Variants in CASC3 observed in about 807,000 individuals in gnomAD.
The protein encoded by CASC3 is CASC3 exon junction complex subunit.
A neutral mutation model predicts 80.5 loss-of-function variants in CASC3; 30 were observed. The observed-to-expected ratio is 0.37, with a 90% confidence interval of 0.28 to 0.51. The LOEUF is 0.51. CASC3 is among the 20% of genes least tolerant of loss of function. The probability of loss-of-function intolerance (pLI) is 0.94; values close to 1 mark genes in which losing one functional copy is unlikely to be tolerated. For missense variants in CASC3, 824 were observed against 922.2 expected (o/e 0.89, Z 1.38); for synonymous variants, 312 against 333.6 (o/e 0.94, Z 0.70).
rs773152440 is a variant in CASC3, at chr17:40,169,366, G to A, written c.2008G>A (p.Ala670Thr). The change falls in exon 12 of 14, where the codon GCC becomes ACC. Residue 670 changes from alanine to threonine, a missense_variant. Transcript: ENST00000264645. ...TGGAGGAGTGACCTACTATAACCCCGCCCAGCAGCAGGTGCAGCCAAAGCC... is the reference window on the plus strand; with the variant it reads ...TGGAGGAGTGACCTACTATAACCCCACCCAGCAGCAGGTGCAGCCAAAGCC... ...VYGGVTYYNPAQQQVQPKPSP... is the reference protein window; with the variant it reads ...VYGGVTYYNPTQQQVQPKPSP... The A allele has an allele frequency of 6.0e-5, 97 of 1,612,402 alleles. No homozygotes were observed. Among genetic ancestry groups the A allele is most frequent in the Non-Finnish European group, 7.7e-5 (91 of 1,179,522 alleles).
intron 7 of CASC3, among the ~76,000 whole-genome samples, chr17:40,165,651 C>A (rs903315358): frequency 1.3e-5 from 2 of 152,152 alleles, no homozygotes; most frequent in African/African-American, 4.8e-5. Flanking sequence ...AGGCAAGCCT[C>A]CCTTATTTCC....
intron 2 of CASC3, 34 bp downstream of exon 2, chr17:40,141,268 G>GTT: frequency 1.3e-6 from 2 of 1,594,922 alleles, no homozygotes; most frequent in African/African-American, 1.3e-5. Context: ...TAGGACAAGA[G>GTT]TTTTTTTTAA....
intron 7 of CASC3, among the ~76,000 whole-genome samples, chr17:40,164,592 G>A (rs887150009): frequency 5.4e-5 from 8 of 148,528 alleles, no homozygotes; most frequent in Non-Finnish European, 1.2e-4. Flanking sequence ...GAGTATAGGC[G>A]TGCACTACCA....
chr17:40,171,034 C>G lies in CASC3; in HGVS notation c.*629C>G. 1 of 985,454 alleles carries G rather than the reference C, an allele frequency of 1.0e-6. No individual in the cohort carries two copies. Among genetic ancestry groups the G allele is most frequent in the African/African-American group, 1.7e-5 (1 of 57,316 alleles). The allele number at this position is 985,454 out of a possible 1,614,324, so 61.0% of individuals were successfully genotyped here. A position where few individuals can be genotyped will look rare whatever the true frequency, so the allele number is the denominator to read the frequency against. ...TCACTTTTAGTTGGCATTTGTTATC[C>G]TCTTGTATACTTGTATTCCCTTAAC... On this transcript the variant is annotated 3_prime_UTR_variant, in exon 14 of 14. Coordinates refer to ENST00000264645, the MANE Select transcript of CASC3 (RefSeq NM_007359.5).
chr17:40,167,296 C>T lies in CASC3; in HGVS notation c.1537-202C>T, dbSNP rs544250448. ...GTTTTTCCATTGATTATGCATGTTT[C>T]TTTTAATTTGGATCTCCTAAATGTA... is the stretch of plus-strand genomic sequence containing the variant. On this transcript the variant is annotated intron_variant, in intron 8 of 13. Transcript: ENST00000264645. 5.5e-4 allele frequency: 322 copies of T among 585,134 alleles called. 4 individuals are homozygous for T. The East Asian group carries it at 8.8e-3, about 16-fold the overall frequency. 36.2% of individuals were successfully genotyped at this position (585,134 alleles called of 1,614,324 possible).
Position 40,172,132 on chromosome 17 carries a change from A to G in CASC3, c.*1727A>G, listed in dbSNP as rs1989608602. On this transcript the variant is annotated 3_prime_UTR_variant, in exon 14 of 14. Coordinates refer to ENST00000264645, the MANE Select transcript of CASC3 (RefSeq NM_007359.5). ...TAAAGGGTGCCCATTTGTGATCAGC[A>G]TTGTGACTTGGAGATAATAAAATTT... 2 of 1,289,946 alleles carry G rather than the reference A, an allele frequency of 1.6e-6. No individual in the cohort carries two copies. The highest frequency in any genetic ancestry group is 2.0e-6 in the Non-Finnish European group (2 of 988,860). 79.9% of individuals were successfully genotyped at this position (1,289,946 alleles called of 1,614,324 possible).
In CASC3 at chr17:40,171,035, T is replaced by A; in HGVS notation, c.*630T>A. 1 of 985,558 alleles carries A rather than the reference T, an allele frequency of 1.0e-6. No individual in the cohort carries two copies. 61.1% of individuals were successfully genotyped at this position (985,558 alleles called of 1,614,324 possible). On this transcript the variant is annotated 3_prime_UTR_variant, in exon 14 of 14. Coordinates refer to ENST00000264645, the MANE Select transcript of CASC3 (RefSeq NM_007359.5). The stretch of plus-strand genomic sequence containing the variant: ...CACTTTTAGTTGGCATTTGTTATCC[T>A]CTTGTATACTTGTATTCCCTTAACT...
chr17:40,145,947 G>C (rs544705574), intron 3 of CASC3, among the ~76,000 whole-genome samples: 1 of 152,114 alleles, frequency 6.6e-6, no homozygotes, highest in African/African-American at 2.4e-5. Context: ...AAATTTTAAA[G>C]ATGTGTTTTT....
rs1989592748 is a variant in CASC3 at position 40,171,503 on chromosome 17, C to T, written c.*1098C>T. 1.0e-6 allele frequency: 1 copy of T among 987,948 alleles called. No homozygotes were observed. Among genetic ancestry groups the T allele is most frequent in the Non-Finnish European group, 1.2e-6 (1 of 831,192 alleles). 61.2% of individuals were successfully genotyped at this position (987,948 alleles called of 1,614,324 possible). On this transcript the variant is annotated 3_prime_UTR_variant, in exon 14 of 14. Transcript: ENST00000264645. ...GCTCTTCTCCACGTCTTTCCTGCTACAAGTGTTTTAGATGTTACTACCTTA... is the reference window on the plus strand; with the variant it reads ...GCTCTTCTCCACGTCTTTCCTGCTATAAGTGTTTTAGATGTTACTACCTTA...
intron 3 of CASC3, among the ~76,000 whole-genome samples, chr17:40,159,228 C>A (rs1248920393): frequency 2.6e-5 from 4 of 152,116 alleles, no homozygotes; most frequent in South Asian, 2.1e-4. Flanking sequence ...CAGAGTGAGA[C>A]CCTGTCTCAA....
intron 2 of CASC3, 32 bp from the exon 3 acceptor site, chr17:40,141,538 C>A: frequency 6.2e-7 from 1 of 1,606,166 alleles, no homozygotes; most frequent in Non-Finnish European, 8.5e-7. Flanking sequence ...TTCTGGGTTT[C>A]TTTTTTTCCA....
At chr17:40,142,358 C>T (rs1298499969) in intron 3 of CASC3, among the ~76,000 whole-genome samples, 1 of 152,180 alleles carries the variant, frequency 6.6e-6, no homozygotes, top group Non-Finnish European at 1.5e-5. Flanking sequence ...TAGGGGATAG[C>T]ACTGGGATAG....
rs756942193 is a variant in CASC3, at chr17:40,141,630, T to A, written c.297+23T>A. ...GAAGTGAGTATGACAGGTTTTTTCCTATGGTATAGATCAGAAATGCTTTTT... is the reference window on the plus strand; with the variant it reads ...GAAGTGAGTATGACAGGTTTTTTCCAATGGTATAGATCAGAAATGCTTTTT... On this transcript the variant is annotated intron_variant, in intron 3 of 13. Transcript: ENST00000264645. The A allele has an allele frequency of 5.0e-6, 8 of 1,595,936 alleles. No homozygotes were observed. In the South Asian group the frequency reaches 7.7e-5, roughly 15 times the overall value.
intron 3 of CASC3, among the ~76,000 whole-genome samples, chr17:40,148,900 G>T (rs1988926562): frequency 6.6e-6 from 1 of 151,908 alleles, no homozygotes; most frequent in Non-Finnish European, 1.5e-5. Flanking sequence ...GAAGGTTTTG[G>T]TTTCTTTTTT....
rs1989552658 is a variant in CASC3, at chr17:40,169,844, C to CTCCTGAGT, written c.*41+185_*41+192dup. ...AATCTCGGCTCACTGCAACCTCCAT[C>CTCCTGAGT]TCCTGAGTTCAAGCGATTCTCTTGC... On this transcript the variant is annotated intron_variant, in intron 13 of 13. Transcript: ENST00000264645. Among the ~76,000 whole-genome samples, 3 of 141,402 alleles carry CTCCTGAGT rather than the reference C, an allele frequency of 2.1e-5. No homozygotes were observed. In the Admixed American group the frequency reaches 2.3e-4, roughly 11 times the overall value. 92.8% of individuals were successfully genotyped at this position (141,402 alleles called of 152,430 possible).
chr17:40,169,313 T>TG lies in CASC3; in HGVS notation c.1966-7dup, dbSNP rs746200585. The TG allele has an allele frequency of 1.2e-5, 19 of 1,540,892 alleles. No individual in the cohort carries two copies. The South Asian group carries it at 2.3e-4, about 19-fold the overall frequency. ...CCTAACTTTTTCTTCTCCTGGCTTG[T>TG]GGGGTCCCAGGCCCCATCACAGGTA... On this transcript the variant is annotated splice_polypyrimidine_tract_variant and intron_variant, in intron 11 of 13. Transcript: ENST00000264645.
rs2145187952 is a variant in CASC3 at position 40,172,026 on chromosome 17, C to G, written c.*1621C>G. 1 of 1,289,974 alleles carries G rather than the reference C, an allele frequency of 7.8e-7. No homozygotes were observed. Among genetic ancestry groups the G allele is most frequent in the Non-Finnish European group, 1.0e-6 (1 of 988,872 alleles). 79.9% of individuals were successfully genotyped at this position (1,289,974 alleles called of 1,614,324 possible). On this transcript the variant is annotated 3_prime_UTR_variant, in exon 14 of 14. Coordinates refer to ENST00000264645, the MANE Select transcript of CASC3 (RefSeq NM_007359.5). Reference sequence around the variant, plus strand: ...GCCCAGATTCCCAGACCTTAAGACACTGTGAGAGTTGTCTCTGTTGGTCCA... The same window carrying G: ...GCCCAGATTCCCAGACCTTAAGACAGTGTGAGAGTTGTCTCTGTTGGTCCA...
intron 3 of CASC3, among the ~76,000 whole-genome samples, chr17:40,152,664 G>A (rs1054400755): frequency 2.0e-5 from 3 of 151,584 alleles, no homozygotes; most frequent in Non-Finnish European, 2.9e-5. Flanking sequence ...GCAAAGAATC[G>A]CTGTATTGCC....
At position 40,171,813 on chromosome 17, in the gene CASC3, C is replaced by G; in HGVS notation, c.*1408C>G. 8.5e-7 allele frequency: 1 copy of G among 1,173,412 alleles called. No homozygotes were observed. Among genetic ancestry groups the G allele is most frequent in the East Asian group, 5.9e-5 (1 of 16,980 alleles). 72.7% of individuals were successfully genotyped at this position (1,173,412 alleles called of 1,614,324 possible). A position where few individuals can be genotyped will look rare whatever the true frequency, so the allele number is the denominator to read the frequency against. ...ATGTCACTGTTTTTATTCCTTCCAT[C>G]TAGCAGCTGGCCTAATCACTCTGAG... On this transcript the variant is annotated 3_prime_UTR_variant, in exon 14 of 14. Coordinates refer to ENST00000264645, the MANE Select transcript of CASC3 (RefSeq NM_007359.5).
Sources: gnomAD v4.1 joint callset for allele counts (sites outside exome capture counted in the v4.1 genomes callset) on GRCh38, gnomAD v4.1.1 for gene constraint, MANE v1.5 for transcripts, NCBI Gene and HGNC (gene_info 2026-07-23, HGNC 2026-07-21) for gene names.